DHX37: variants seen among roughly 807,000 people sequenced by gnomAD.
The protein encoded by DHX37 is DEAH-box helicase 37, also known as probable ATP-dependent RNA helicase DHX37.
A neutral mutation model predicts 134.3 loss-of-function variants in DHX37; 52 were observed. That is an observed-to-expected ratio of 0.39 (90% CI 0.31 to 0.49). The LOEUF is 0.49. DHX37 is among the 20% of genes least tolerant of loss of function. The pLI is 0.93. For synonymous variants in DHX37, 634 were observed against 670.7 expected, an observed-to-expected ratio of 0.95 and a Z score of 0.85; for missense variants, 1,344 against 1,580.8, an observed-to-expected ratio of 0.85 and a Z score of 2.54.
intron 25 of DHX37, among the ~76,000 whole-genome samples, chr12:124,948,902 C>T (rs56039780): frequency 0.23 from 34,861 of 151,604 alleles, 6,305 homozygotes; most frequent in African/African-American, 0.51. Context: ...TAGATCCCAC[C>T]TCCTCCCATC....
At chr12:124,971,514 A>C (rs1386148637) in intron 7 of DHX37, 99 bp from the exon 8 acceptor site, 6 of 1,518,586 alleles carry the variant, frequency 4.0e-6, no homozygotes, top group Non-Finnish European at 4.4e-6. Flanking sequence ...TGTTAGAGGA[A>C]GGGCAGCTGC....
At chr12:124,968,237 C>T (rs954716716) in intron 10 of DHX37, among the ~76,000 whole-genome samples, 8 of 152,060 alleles carry the variant, frequency 5.3e-5, no homozygotes, top group African/African-American at 1.9e-4. Flanking sequence ...TGCCCGTTCC[C>T]CTACAGTGTC....
chr12:124,974,972 C>T (rs1304553235), intron 6 of DHX37, among the ~76,000 whole-genome samples: 1 of 152,052 alleles, frequency 6.6e-6, no homozygotes, highest in Non-Finnish European at 1.5e-5. Flanking sequence ...GACAGGGTTT[C>T]TCCATGTTGG....
chr12:124,987,589 AC>A (rs1321442734), intron 1 of DHX37, among the ~76,000 whole-genome samples: 15 of 152,238 alleles, frequency 9.9e-5, no homozygotes, highest in African/African-American at 3.1e-4. Flanking sequence ...AACGGTTGTC[AC>A]CTGTCCTGGG....
intron 22 of DHX37, 47 bp from the exon 23 acceptor site, chr12:124,950,597 G>A (rs370563951): frequency 3.2e-5 from 49 of 1,551,174 alleles, no homozygotes; most frequent in Non-Finnish European, 3.5e-5. Context: ...ACCCTCCGTG[G>A]GAGGGGCTGC....
chr12:124,964,195 C>CAAA (rs397692928), intron 15 of DHX37, among the ~76,000 whole-genome samples, 199 bp downstream of exon 15: 14,455 of 56,856 alleles, frequency 0.25, 1,931 homozygotes, highest in East Asian at 0.57. Flanking sequence ...AACTCCATCT[C>CAAA]AAAAAAAAAA....
intron 18 of DHX37, among the ~76,000 whole-genome samples, chr12:124,954,553 C>T (rs1319125701): frequency 6.6e-6 from 1 of 152,048 alleles, no homozygotes; most frequent in East Asian, 1.9e-4. Flanking sequence ...ACCACCAGGC[C>T]CGGCTAAGTT....
chr12:124,950,902 C>T (rs964502047), intron 21 of DHX37, 98 bp from the exon 22 acceptor site: 2 of 1,427,124 alleles, frequency 1.4e-6, no homozygotes, highest in African/African-American at 1.5e-5. Flanking sequence ...TCCACTCCAG[C>T]CGCAAAAGTG....
At chr12:124,982,124 A>G (rs1954773185) in intron 3 of DHX37, among the ~76,000 whole-genome samples, 1 of 148,228 alleles carries the variant, frequency 6.7e-6, no homozygotes, top group Non-Finnish European at 1.5e-5. Context: ...CTCTGTCTCA[A>G]AAAAAAAAAA....
Position 124,952,437 on chromosome 12 carries a change from G to A in DHX37, c.2829C>T (p.Ser943=), listed in dbSNP as rs760244891. ...TCCACTTGTCCTCCAGCATCTCCTC[G>A]CTCTGGACCCTGCGGGCCAAGTGGT... ...LGDHLARRVQ[S]EEMLEDKWRN... is the part of the protein sequence containing the mutation. The change falls in exon 21 of 27, where the codon AGC becomes AGT. Residue 943 remains serine, a synonymous_variant. Transcript: ENST00000308736. 42 of 1,611,062 alleles carry A rather than the reference G, an allele frequency of 2.6e-5. No individual in the cohort carries two copies. Among genetic ancestry groups the A allele is most frequent in the South Asian group, 3.3e-5 (3 of 90,880 alleles).
At chr12:124,988,651 G>C (rs1244345779) in intron 1 of DHX37, among the ~76,000 whole-genome samples, 2 of 152,076 alleles carry the variant, frequency 1.3e-5, no homozygotes, top group East Asian at 3.9e-4. Flanking sequence ...TCATGGGAAG[G>C]GATGGAACTA....
At chr12:124,968,828 G>T in intron 9 of DHX37, 39 bp downstream of exon 9, 1 of 1,612,010 alleles carries the variant, frequency 6.2e-7, no homozygotes. Flanking sequence ...GCGTCCTTGT[G>T]CCATCCAAGC....
At chr12:124,955,245 G>A (rs1954068809) in intron 18 of DHX37, among the ~76,000 whole-genome samples, 1 of 152,188 alleles carries the variant, frequency 6.6e-6, no homozygotes, top group South Asian at 2.1e-4. Context: ...CCCCAATGTG[G>A]GTGTGGGCCA....
At chr12:124,977,244 C>T in intron 5 of DHX37, 98 bp downstream of exon 5, 1 of 1,405,826 alleles carries the variant, frequency 7.1e-7, no homozygotes, top group Non-Finnish European at 9.3e-7. Flanking sequence ...AGGGCAGATC[C>T]AGGATTGGAT....
At chr12:124,950,854 G>A (rs372815146) in intron 21 of DHX37, 50 bp from the exon 22 acceptor site, 11 of 1,522,450 alleles carry the variant, frequency 7.2e-6, no homozygotes, top group Non-Finnish European at 9.6e-6. Context: ...ATGCCCAGGG[G>A]CTCCGCATAC....
At chr12:124,965,132 G>A in intron 13 of DHX37, 126 bp from the exon 14 acceptor site, 1 of 1,101,122 alleles carries the variant, frequency 9.1e-7, no homozygotes, top group Non-Finnish European at 1.3e-6. Context: ...CTGCTGCAGA[G>A]GCTCCCCTTG....
At chr12:124,979,593 T>C (rs1435340533) in intron 4 of DHX37, among the ~76,000 whole-genome samples, 1 of 152,232 alleles carries the variant, frequency 6.6e-6, no homozygotes, top group East Asian at 1.9e-4. Flanking sequence ...AAGGACATGA[T>C]GCCACTTTTA....
chr12:124,968,882 C>T lies in DHX37; in HGVS notation c.1278G>A (p.Pro426=), dbSNP rs750999998. 3.3e-5 allele frequency: 54 copies of T among 1,614,042 alleles called. No individual in the cohort carries two copies. Among genetic ancestry groups the T allele is most frequent in the Middle Eastern group, 3.3e-4 (2 of 6,062 alleles). Residue 426 remains proline, a synonymous_variant, in exon 9 of 27, where the codon CCG becomes CCA. Transcript: ENST00000308736. ...CCTGTGTTACCTTGATGACCGGCGG[C>T]GGCTTGGCGAAGAGCCGTGGGTTCT... The part of the protein sequence containing the change: ...FTQNPRLFAK[P]PPVIKVESRQ...
At position 124,964,923 on chromosome 12, in the gene DHX37, C is replaced by T. The variant is rs369326344; in HGVS notation, c.1812+7G>A. 17 of 1,586,304 alleles carry T rather than the reference C, an allele frequency of 1.1e-5. No individual in the cohort carries two copies. Among genetic ancestry groups the T allele is most frequent in the African/African-American group, 8.0e-5 (6 of 74,816 alleles). The stretch of plus-strand genomic sequence containing the variant: ...CCAAAAGCTGGGCACCGGCCCAGCA[C>T]GGTTACCTGTGCTTGCTTCTCTGGG... On this transcript the variant is annotated splice_region_variant and intron_variant, in intron 14 of 26. Transcript: ENST00000308736.
Sources: allele counts gnomAD v4.1 joint callset (sites outside exome capture counted in the v4.1 genomes callset), GRCh38; gene constraint gnomAD v4.1.1; transcripts MANE v1.5; gene names NCBI Gene and HGNC (gene_info 2026-07-23, HGNC 2026-07-21).